The following LPA variants were observed in gnomAD, a reference collection of about 807,000 sequenced individuals.
LPA encodes apolipoprotein(a).
A neutral mutation model predicts 197.9 loss-of-function variants in LPA; 199 were observed. The ratio of observed to expected loss-of-function variants is 1.01; its 90% confidence interval spans 0.90 to 1.13. The LOEUF is 1.13. Ranked by LOEUF, LPA falls within the 50% of genes most tolerant of loss-of-function variation. LPA has a pLI of 0.00. For missense variants in LPA, 1,853 were observed against 1,785.8 expected (o/e 1.04, Z -0.68); for synonymous variants, 715 against 639.5 (o/e 1.12, Z -1.78).
At chr6:160,557,199 C>G (rs192708461) in intron 29 of LPA, among the ~76,000 whole-genome samples, 191 bp downstream of exon 29, 1 of 152,038 alleles carries the variant, frequency 6.6e-6, no homozygotes, top group Admixed American at 6.6e-5. Context: ...TGGGTTTGCA[C>G]CATTCCTGAA....
intron 24 of LPA, among the ~76,000 whole-genome samples, chr6:160,588,867 C>G (rs1778968053): frequency 6.6e-6 from 1 of 152,196 alleles, no homozygotes; most frequent in African/African-American, 2.4e-5. Context: ...CTCAAGCCTA[C>G]CATATCTGTT....
intron 1 of LPA, among the ~76,000 whole-genome samples, chr6:160,654,388 G>A (rs1301818502): frequency 2.0e-5 from 3 of 151,576 alleles, no homozygotes; most frequent in Non-Finnish European, 2.9e-5. Context: ...TTAAGGGTGG[G>A]TCTGCCTTCC....
At chr6:160,611,418 C>A in intron 16 of LPA, 144 bp downstream of exon 16, 1 of 1,488,714 alleles carries the variant, frequency 6.7e-7, no homozygotes, top group Middle Eastern at 2.4e-4. Context: ...ACCCTTAGCT[C>A]CAAGGAAATC....
chr6:160,578,358 G>A (rs1035586306), intron 27 of LPA, among the ~76,000 whole-genome samples, 165 bp downstream of exon 27: 2 of 152,054 alleles, frequency 1.3e-5, no homozygotes, highest in African/African-American at 4.8e-5. Context: ...CTCACAGCGT[G>A]CCAAAAATCA....
chr6:160,607,918 A>G (rs561748678), intron 16 of LPA, among the ~76,000 whole-genome samples: 2 of 152,158 alleles, frequency 1.3e-5, no homozygotes, highest in Non-Finnish European at 2.9e-5. Context: ...ATCTCCTTGA[A>G]CCCACACAGT....
At chr6:160,663,744 C>T (rs1230652569) in intron 1 of LPA, among the ~76,000 whole-genome samples, 2 of 152,200 alleles carry the variant, frequency 1.3e-5, no homozygotes, top group Non-Finnish European at 2.9e-5. Flanking sequence ...GTCAAGGAAC[C>T]AAACATATTC....
intron 18 of LPA, among the ~76,000 whole-genome samples, chr6:160,604,810 G>A (rs1779312050): frequency 6.6e-6 from 1 of 152,134 alleles, no homozygotes; most frequent in Non-Finnish European, 1.5e-5. Flanking sequence ...GTTTCTTAAT[G>A]TGATATCCTT....
chr6:160,545,368 TTTTTTTTGC>T (rs966540897), intron 33 of LPA, 63 bp downstream of exon 33: 9 of 1,145,552 alleles, frequency 7.9e-6, no homozygotes, highest in African/African-American at 6.6e-5. Context: ...CCATTTTCTG[TTTTTTTTGC>T]TTTTTTTTTT....
chr6:160,543,374 A>G (rs904407776), intron 33 of LPA, among the ~76,000 whole-genome samples: 1 of 152,204 alleles, frequency 6.6e-6, no homozygotes, highest in African/African-American at 2.4e-5. Context: ...AGGGTGTTCA[A>G]AAATGCTTCT....
intron 16 of LPA, among the ~76,000 whole-genome samples, chr6:160,608,191 TC>T (rs1178607707): frequency 6.6e-6 from 1 of 152,168 alleles, no homozygotes; most frequent in Non-Finnish European, 1.5e-5. Context: ...TGCAGAAAGT[TC>T]CCTTCTTGTA....
At chr6:160,634,639 A>G (rs7765684) in intron 7 of LPA, among the ~76,000 whole-genome samples, 46,991 of 132,040 alleles carry the variant, frequency 0.36, 11,377 homozygotes, top group African/African-American at 0.44. Flanking sequence ...GGGAGCTCAT[A>G]TACTGCTCCA....
intron 27 of LPA, 67 bp downstream of exon 27, chr6:160,578,456 C>G: frequency 6.3e-7 from 1 of 1,587,538 alleles, no homozygotes; most frequent in East Asian, 2.2e-5. Context: ...CTGAAGGCTT[C>G]TGCATCAGTA....
chr6:160,599,713 C>A, intron 19 of LPA, 54 bp from the exon 20 acceptor site: 2 of 1,602,606 alleles, frequency 1.2e-6, no homozygotes, highest in Non-Finnish European at 1.7e-6. Flanking sequence ...CAGAAAAATA[C>A]AGGAAGCCAT....
chr6:160,605,507 C>G (rs1292511844), intron 17 of LPA, among the ~76,000 whole-genome samples: 4 of 152,192 alleles, frequency 2.6e-5, no homozygotes, highest in Non-Finnish European at 2.9e-5. Flanking sequence ...TCAATGGAAA[C>G]TGTGCTCACG....
chr6:160,536,823 G>T (rs1777902356), intron 37 of LPA, among the ~76,000 whole-genome samples: 1 of 152,122 alleles, frequency 6.6e-6, no homozygotes, highest in Non-Finnish European at 1.5e-5. Flanking sequence ...ATAGGAAAAT[G>T]ACAGAAAAAG....
chr6:160,561,401 C>G (rs1478757903), intron 28 of LPA, among the ~76,000 whole-genome samples: 1 of 152,082 alleles, frequency 6.6e-6, no homozygotes, highest in East Asian at 1.9e-4. Flanking sequence ...ATTTCTGAGG[C>G]CTCTGTTCTG....
Position 160,585,026 on chromosome 6 carries a change from G to A in LPA, c.4289+20C>T. On this transcript the variant is annotated intron_variant, in intron 26 of 38. Transcript: ENST00000316300. The stretch of plus-strand genomic sequence containing the variant: ...TTTAGTTGACTATTGTTCCTTTTAT[G>A]GCTAACATGATAGACATACGCATTT... The A allele has an allele frequency of 6.2e-7, 1 of 1,613,030 alleles. No homozygotes were observed. Among genetic ancestry groups the A allele is most frequent in the Non-Finnish European group, 8.5e-7 (1 of 1,179,292 alleles).
intron 20 of LPA, among the ~76,000 whole-genome samples, chr6:160,599,161 G>A (rs774986115): frequency 1.3e-5 from 2 of 152,162 alleles, no homozygotes; most frequent in Non-Finnish European, 2.9e-5. Context: ...GGCTAGAACA[G>A]TGAAACCCTG....
chr6:160,615,342 T>C (rs1357433441), intron 14 of LPA, among the ~76,000 whole-genome samples: 103 of 147,100 alleles, frequency 7.0e-4, no homozygotes, highest in Non-Finnish European at 1.1e-3. Flanking sequence ...AGTATGGGTG[T>C]GTTTTCAGTT....
Sources: allele counts gnomAD v4.1 joint callset (sites outside exome capture counted in the v4.1 genomes callset), GRCh38; gene constraint gnomAD v4.1.1; transcripts MANE v1.5; gene names NCBI Gene and HGNC (gene_info 2026-07-23, HGNC 2026-07-21).